DMD: variants seen among roughly 807,000 people sequenced by gnomAD.
The protein encoded by DMD is dystrophin, also known as mutant dystrophin.
DMD carries 63 observed loss-of-function variants against 330.1 expected under a neutral mutation model. The ratio of observed to expected loss-of-function variants is 0.19; its 90% CI spans 0.16 to 0.24. DMD has a LOEUF of 0.24. Ranked by LOEUF, DMD falls within the 10% of genes least tolerant of loss-of-function variation. The probability of loss-of-function intolerance (pLI) is 1.00; values close to 1 mark genes in which losing one functional copy is unlikely to be tolerated. For missense variants in DMD, 3,344 were observed against 2,684.1 expected (o/e 1.25, Z -5.43); for synonymous variants, 1,223 against 959.8 (o/e 1.27, Z -5.07).
intron 61 of DMD, among the ~76,000 whole-genome samples, chrX:31,333,235 C>A (rs2057232407): frequency 9.0e-6 from 1 of 110,595 alleles, no homozygotes; most frequent in African/African-American, 3.3e-5. Context: ...ATAAATAAAA[C>A]ATTCTTGTTT....
chrX:32,578,615 G>C (rs1420486555), intron 13 of DMD, among the ~76,000 whole-genome samples: 1 of 111,973 alleles, frequency 8.9e-6, no homozygotes, highest in Non-Finnish European at 1.9e-5. Context: ...GCTACTAAAA[G>C]AACATTTGGA....
intron 9 of DMD, among the ~76,000 whole-genome samples, chrX:32,652,612 T>C (rs1415805576): frequency 9.0e-6 from 1 of 111,114 alleles, no homozygotes; most frequent in Non-Finnish European, 1.9e-5. Context: ...TGCATCTGTC[T>C]TTATAGCAGC....
chrX:31,191,622 G>GT (rs2042373592), intron 67 of DMD, among the ~76,000 whole-genome samples: 1 of 111,690 alleles, frequency 9.0e-6, no homozygotes, highest in South Asian at 3.8e-4. Context: ...TGCCATCCAG[G>GT]TAAGTTGTGA....
chrX:32,595,469 TA>T (rs972305229), intron 13 of DMD, among the ~76,000 whole-genome samples: 1 of 111,674 alleles, frequency 9.0e-6, no homozygotes, highest in Non-Finnish European at 1.9e-5. Context: ...AAATTTTTTT[TA>T]ACCAGTAACC....
chrX:32,248,612 GAAAC>G (rs1231030955), intron 43 of DMD, among the ~76,000 whole-genome samples: 1 of 106,378 alleles, frequency 9.4e-6, no homozygotes, highest in Non-Finnish European at 1.9e-5. Flanking sequence ...AAAAAACAAA[GAAAC>G]AAAGTAATTA....
intron 44 of DMD, among the ~76,000 whole-genome samples, chrX:32,215,445 T>C (rs1334809372): frequency 1.8e-5 from 2 of 111,344 alleles, no homozygotes; most frequent in African/African-American, 6.5e-5. Flanking sequence ...ACCTTCTACA[T>C]ACAAATCTCC....
chrX:33,275,295 G>T (rs113064054), intron 1 of DMD, among the ~76,000 whole-genome samples: 1 of 109,521 alleles, frequency 9.1e-6, no homozygotes, highest in African/African-American at 3.5e-5. Flanking sequence ...ACATGGGAAA[G>T]AGAAAACCTG....
At chrX:32,103,254 A>G (rs1414186857) in intron 44 of DMD, among the ~76,000 whole-genome samples, 2 of 112,246 alleles carry the variant, frequency 1.8e-5, no homozygotes, top group African/African-American at 6.5e-5. Context: ...CGCAGATATG[A>G]GAACTATAAT....
chrX:32,456,949 C>A, intron 25 of DMD, among the ~76,000 whole-genome samples: 1 of 62,293 alleles, frequency 1.6e-5, no homozygotes, highest in African/African-American at 5.1e-5. Context: ...TAGAAAGGGT[C>A]CAGATTGTTA....
rs1205269217 is a variant in DMD, at chrX:31,375,228, A to C, written c.9085-26594T>G. Among the ~76,000 whole-genome samples the C allele has an allele frequency of 3.6e-5, 4 of 112,082 alleles. 1 individual carries two copies. Among genetic ancestry groups the C allele is most frequent in the African/African-American group, 1.3e-4 (4 of 30,844 alleles). ...TCTTCACCCATTTGATTTACTGGGG[A>C]CAACTCTGAAAGGCCAAACCTACTC... On this transcript the variant is annotated intron_variant, in intron 60 of 78. Transcript: ENST00000357033.
intron 7 of DMD, among the ~76,000 whole-genome samples, chrX:32,777,186 C>CGCAG (rs2148504698): frequency 1.0e-5 from 1 of 95,384 alleles, no homozygotes; most frequent in African/African-American, 4.0e-5. Context: ...CACTTTGTTT[C>CGCAG]GCAGCATTAT....
chrX:31,268,202 A>C (rs1273908471), intron 62 of DMD, among the ~76,000 whole-genome samples: 2 of 111,856 alleles, frequency 1.8e-5, no homozygotes, highest in Non-Finnish European at 3.8e-5. Context: ...CTTTTGAAAT[A>C]ATCCTTTTCT....
At chrX:31,508,415 G>A (rs2071166883) in intron 55 of DMD, 3 of 406,371 alleles carry the variant, frequency 7.4e-6, no homozygotes, top group Non-Finnish European at 1.2e-5. Flanking sequence ...TTTGTACTCC[G>A]CACTAAACAG....
chrX:32,050,989 C>CTTTTTTTTTTTTTTA, intron 44 of DMD, among the ~76,000 whole-genome samples: 1 of 37,335 alleles, frequency 2.7e-5, no homozygotes, highest in African/African-American at 1.8e-4. Context: ...TTTTTTTTTC[C>CTTTTTTTTTTTTTTA]CCCTAATAGA....
intron 13 of DMD, among the ~76,000 whole-genome samples, chrX:32,592,648 G>T (rs184216254): frequency 5.4e-5 from 6 of 112,123 alleles, no homozygotes; most frequent in Non-Finnish European, 1.1e-4. Flanking sequence ...TTGCTGAATG[G>T]CAGGACAAAA....
intron 25 of DMD, 76 bp from the exon 26 acceptor site, chrX:32,454,908 G>A: frequency 1.8e-6 from 2 of 1,092,116 alleles, no homozygotes; most frequent in African/African-American, 1.8e-5. Context: ...TCATCAGTAT[G>A]TAAATAACAG....
chrX:32,541,812 G>GAA (rs771899375), intron 17 of DMD, among the ~76,000 whole-genome samples: 13 of 74,960 alleles, frequency 1.7e-4, no homozygotes, highest in East Asian at 5.2e-4. Context: ...CTAAAAGTTG[G>GAA]GAAAAAAAAA....
intron 44 of DMD, among the ~76,000 whole-genome samples, chrX:32,107,526 T>G (rs766155257): frequency 9.1e-6 from 1 of 109,498 alleles, no homozygotes; most frequent in African/African-American, 3.3e-5. Flanking sequence ...AGAGCAGACT[T>G]GAGATACAAG....
intron 4 of DMD, among the ~76,000 whole-genome samples, chrX:32,839,744 ACT>A (rs1949408034): frequency 1.3e-4 from 14 of 104,723 alleles, no homozygotes; most frequent in African/African-American, 5.0e-4. Context: ...TTTTTTTTTC[ACT>A]CTGTGGCCAG....
Sources: gnomAD v4.1 joint callset for allele counts (sites outside exome capture counted in the v4.1 genomes callset) on GRCh38, gnomAD v4.1.1 for gene constraint, MANE v1.5 for transcripts, NCBI Gene and HGNC (gene_info 2026-07-23, HGNC 2026-07-21) for gene names.